MYO9A: variants seen among roughly 807,000 people sequenced by gnomAD.
The protein encoded by MYO9A is unconventional myosin-IXa.
In MYO9A, 103 loss-of-function variants were observed where a neutral mutation model predicts 293.3. That is an observed-to-expected ratio of 0.35 (90% CI 0.30 to 0.41). MYO9A has a LOEUF of 0.41. Ranked by LOEUF, MYO9A falls within the 10% of genes least tolerant of loss-of-function variation. MYO9A has a pLI of 1.00. For missense variants in MYO9A, 2,685 were observed against 3,033.0 expected (o/e 0.89, Z 2.69); for synonymous variants, 1,001 against 1,035.7 (o/e 0.97, Z 0.64).
At chr15:71,887,317 T>C (rs1026055123) in intron 27 of MYO9A, among the ~76,000 whole-genome samples, 17 of 152,122 alleles carry the variant, frequency 1.1e-4, no homozygotes, top group Non-Finnish European at 1.5e-5. Flanking sequence ...CCCCAAAATA[T>C]TCCTCTTTGA....
chr15:72,049,411 T>C (rs1040670045), intron 1 of MYO9A, among the ~76,000 whole-genome samples: 4 of 152,174 alleles, frequency 2.6e-5, no homozygotes, highest in Admixed American at 6.5e-5. Context: ...AATCCCTAAG[T>C]GTTTGCTTCA....
Position 72,076,188 on chromosome 15 carries a change from C to A in MYO9A, c.-71-29554G>T, listed in dbSNP as rs182830978. ...GGCATGGTGCCATGTGCCTGTAATA[C>A]CAGCTACTAGGGAGGTTGAGGCAGG... is the stretch of plus-strand genomic sequence containing the variant. On this transcript the variant is annotated intron_variant, in intron 1 of 41. Transcript: ENST00000356056. Among the ~76,000 whole-genome samples, 5 of 151,998 alleles carry A rather than the reference C, an allele frequency of 3.3e-5. No homozygotes were observed. In the East Asian group the frequency reaches 9.7e-4, roughly 29 times the overall value.
At chr15:72,002,631 A>G (rs1180483279) in intron 8 of MYO9A, among the ~76,000 whole-genome samples, 1 of 152,228 alleles carries the variant, frequency 6.6e-6, no homozygotes, top group Non-Finnish European at 1.5e-5. Context: ...TATACAGTGT[A>G]ACATTTATAT....
At chr15:72,007,376 C>T (rs1221503388) in intron 8 of MYO9A, among the ~76,000 whole-genome samples, 4 of 151,506 alleles carry the variant, frequency 2.6e-5, no homozygotes, top group Non-Finnish European at 4.4e-5. Context: ...CCTTTATGTC[C>T]TATTCAACCC....
At chr15:71,835,179 T>C (rs2054889707) in intron 39 of MYO9A, among the ~76,000 whole-genome samples, 1 of 152,208 alleles carries the variant, frequency 6.6e-6, no homozygotes, top group Non-Finnish European at 1.5e-5. Flanking sequence ...ACAAAAATTC[T>C]ATAGCAAACA....
intron 10 of MYO9A, among the ~76,000 whole-genome samples, chr15:71,992,646 T>C (rs2076574544): frequency 1.3e-5 from 2 of 152,032 alleles, no homozygotes; most frequent in African/African-American, 4.8e-5. Context: ...TTTAAGGCAA[T>C]AGGATTAAAT....
intron 1 of MYO9A, among the ~76,000 whole-genome samples, chr15:72,093,441 C>T (rs2079979621): frequency 6.6e-6 from 1 of 152,030 alleles, no homozygotes; most frequent in African/African-American, 2.4e-5. Context: ...GAGGCTGAGG[C>T]AAGAGGATCA....
In MYO9A at chr15:72,103,099, G is replaced by C. The variant is rs1202977277; in HGVS notation, c.-72+14581C>G. ...GGTTCAAGTGATTCTCCTCGGCTGA[G>C]GAAGGAGAATCACTTGAGCCTGGCA... On this transcript the variant is annotated intron_variant, in intron 1 of 41. Coordinates refer to ENST00000356056, the MANE Select transcript of MYO9A (RefSeq NM_006901.4). 3.3e-4 allele frequency among the ~76,000 whole-genome samples: 49 copies of C among 148,084 alleles called. 1 individual carries two copies. Among genetic ancestry groups the C allele is most frequent in the African/African-American group, 1.1e-3 (44 of 40,372 alleles).
intron 15 of MYO9A, among the ~76,000 whole-genome samples, chr15:71,942,265 T>C (rs1596249495): frequency 6.6e-6 from 1 of 152,182 alleles, no homozygotes; most frequent in East Asian, 1.9e-4. Context: ...AACTGACTTA[T>C]AGTAATAAAT....
intron 39 of MYO9A, among the ~76,000 whole-genome samples, chr15:71,835,254 A>C (rs2054892858): frequency 6.6e-6 from 1 of 152,182 alleles, no homozygotes; most frequent in African/African-American, 2.4e-5. Flanking sequence ...AGTAATGATC[A>C]CTATCACCAC....
Position 71,951,916 on chromosome 15 carries a change from CAAACA to C in MYO9A, c.2183-25_2183-21del. The C allele has an allele frequency of 6.5e-7, 1 of 1,533,502 alleles. No individual in the cohort carries two copies. The highest frequency in any genetic ancestry group is 8.7e-7 in the Non-Finnish European group (1 of 1,148,194). 95.0% of individuals were successfully genotyped at this position (1,533,502 alleles called of 1,614,324 possible). On this transcript the variant is annotated intron_variant, in intron 14 of 41. Transcript: ENST00000356056. ...CATGTCCTTAGGAAGCAAAAAAAAA[CAAACA>C]AAAAAAAAAGGAGAAAAGAAAAAGA...
intron 15 of MYO9A, 26 bp downstream of exon 15, chr15:71,951,751 C>T: frequency 6.2e-7 from 1 of 1,613,090 alleles, no homozygotes. Context: ...TATGTGATAA[C>T]AGTTTATCAG....
At chr15:71,922,966 G>T (rs1199570049) in intron 18 of MYO9A, among the ~76,000 whole-genome samples, 1 of 151,930 alleles carries the variant, frequency 6.6e-6, no homozygotes, top group East Asian at 1.9e-4. Context: ...TCTTATTCTA[G>T]ATCACAGAAG....
chr15:71,961,529 T>C (rs535207303), intron 13 of MYO9A, among the ~76,000 whole-genome samples: 1 of 152,292 alleles, frequency 6.6e-6, no homozygotes, highest in African/African-American at 2.4e-5. Context: ...TTAATACTCC[T>C]AATAATCCTT....
intron 2 of MYO9A, among the ~76,000 whole-genome samples, chr15:72,034,955 C>A (rs1231827360): frequency 6.6e-6 from 1 of 152,148 alleles, no homozygotes; most frequent in Non-Finnish European, 1.5e-5. Context: ...GGTAGGCTTG[C>A]AATAGTTACT....
At chr15:72,114,089 GTTC>G (rs908163218) in intron 1 of MYO9A, among the ~76,000 whole-genome samples, 2 of 152,110 alleles carry the variant, frequency 1.3e-5, no homozygotes, top group African/African-American at 4.8e-5. Flanking sequence ...TTAGGTTCTT[GTTC>G]TTCTTGAGAG....
At chr15:72,076,642 C>T (rs1326889680) in intron 1 of MYO9A, among the ~76,000 whole-genome samples, 2 of 152,126 alleles carry the variant, frequency 1.3e-5, no homozygotes, top group African/African-American at 4.8e-5. Context: ...AAGAGGAAGA[C>T]TCAGTATTAC....
intron 1 of MYO9A, among the ~76,000 whole-genome samples, chr15:72,050,026 T>C (rs1043623422): frequency 6.6e-6 from 1 of 152,122 alleles, no homozygotes; most frequent in African/African-American, 2.4e-5. Flanking sequence ...ACTTCCCCAT[T>C]ACTTCAAAGC....
intron 28 of MYO9A, among the ~76,000 whole-genome samples, chr15:71,882,147 G>T (rs980007184): frequency 6.6e-6 from 1 of 152,114 alleles, no homozygotes. Flanking sequence ...AGAAGATGCT[G>T]GTTTCTTACT....
Sources: gnomAD v4.1 joint callset for allele counts (sites outside exome capture counted in the v4.1 genomes callset) on GRCh38, gnomAD v4.1.1 for gene constraint, MANE v1.5 for transcripts, NCBI Gene and HGNC (gene_info 2026-07-23, HGNC 2026-07-21) for gene names.